The following RERE variants were observed in gnomAD, a reference collection of about 807,000 sequenced individuals.
The protein encoded by RERE is arginine-glutamic acid dipeptide repeats protein.
Under a neutral mutation model 146.1 loss-of-function variants are expected in RERE, and 40 were observed. That is an observed-to-expected ratio of 0.27 (90% CI 0.21 to 0.36). The LOEUF (loss-of-function observed/expected upper bound fraction) is 0.36. Ranked by LOEUF, RERE falls within the 10% of genes least tolerant of loss-of-function variation. RERE has a pLI of 1.00. For missense variants in RERE, 1,933 were observed against 2,138.7 expected (o/e 0.90, Z 1.90); for synonymous variants, 1,003 against 866.0 (o/e 1.16, Z -2.78).
intron 6 of RERE, among the ~76,000 whole-genome samples, chr1:8,547,352 G>C (rs1304834241): frequency 2.0e-5 from 3 of 152,004 alleles, no homozygotes; most frequent in Non-Finnish European, 4.4e-5. Context: ...TTTAAATATG[G>C]TGTAGGGAAA....
At chr1:8,601,017 C>CTT (rs34455445) in intron 4 of RERE, among the ~76,000 whole-genome samples, 3,015 of 94,982 alleles carry the variant, frequency 0.032, 311 homozygotes, top group African/African-American at 0.12. Flanking sequence ...GTCTCCCAAA[C>CTT]TTTTTTTTTT....
chr1:8,448,890 GA>G (rs1047348479), intron 11 of RERE, among the ~76,000 whole-genome samples: 24 of 151,606 alleles, frequency 1.6e-4, no homozygotes, highest in African/African-American at 5.8e-4. Context: ...AGAAGAACCA[GA>G]ATTTCTTGTT....
intron 1 of RERE, among the ~76,000 whole-genome samples, chr1:8,790,965 T>G (rs754150621): frequency 1.4e-4 from 21 of 152,228 alleles, no homozygotes; most frequent in East Asian, 1.9e-4. Flanking sequence ...TCCCTTTCAT[T>G]TGGCAAGAAC....
chr1:8,480,230 C>T (rs1247271036), intron 10 of RERE, among the ~76,000 whole-genome samples: 1 of 150,592 alleles, frequency 6.6e-6, no homozygotes, highest in Admixed American at 6.6e-5. Context: ...ACCTCCGCCT[C>T]CCGGGTTCAA....
At chr1:8,564,365 G>A (rs1211609629) in intron 4 of RERE, among the ~76,000 whole-genome samples, 1 of 152,076 alleles carries the variant, frequency 6.6e-6, no homozygotes, top group East Asian at 1.9e-4. Flanking sequence ...ATTTATTTAT[G>A]TTTCATATAA....
intron 4 of RERE, among the ~76,000 whole-genome samples, chr1:8,605,827 T>TAAGTGTTA (rs1045673006): frequency 7.2e-5 from 10 of 139,068 alleles, no homozygotes; most frequent in Non-Finnish European, 1.5e-4. Context: ...AAAACAAATT[T>TAAGTGTTA]AAGTGTTAAA....
chr1:8,641,053 T>G (rs1647169813), intron 2 of RERE, among the ~76,000 whole-genome samples: 1 of 152,238 alleles, frequency 6.6e-6, no homozygotes, highest in African/African-American at 2.4e-5. Flanking sequence ...GACAGTATTT[T>G]TAATTTTGGA....
chr1:8,670,852 G>A (rs947845773), intron 1 of RERE, among the ~76,000 whole-genome samples: 1 of 152,110 alleles, frequency 6.6e-6, no homozygotes, highest in East Asian at 1.9e-4. Context: ...ACAATCCGAG[G>A]TACATTTTAA....
At chr1:8,561,204 T>G (rs1015576512) in intron 4 of RERE, among the ~76,000 whole-genome samples, 7 of 152,220 alleles carry the variant, frequency 4.6e-5, no homozygotes, top group Non-Finnish European at 1.0e-4. Context: ...GAAGGAACTA[T>G]TGGATTCCCC....
At chr1:8,577,485 C>G (rs1053478714) in intron 4 of RERE, among the ~76,000 whole-genome samples, 1 of 152,152 alleles carries the variant, frequency 6.6e-6, no homozygotes, top group Non-Finnish European at 1.5e-5. Context: ...GTCATGCCAA[C>G]AGTCTGGTGA....
Position 8,756,095 on chromosome 1 carries a change from G to A in RERE, c.-145+61065C>T, listed in dbSNP as rs530731777. ...GGATTGTTTGAGCCTAGAAGTTCAA[G>A]ACCAGCTTGGGCAACATAGCGAGAC... is the stretch of plus-strand genomic sequence containing the variant. On this transcript the variant is annotated intron_variant, in intron 1 of 22. Transcript: ENST00000400908. Among the ~76,000 whole-genome samples the A allele has an allele frequency of 2.7e-3, 404 of 152,142 alleles. 3 individuals are homozygous for A. The highest frequency in any genetic ancestry group is 9.2e-3 in the African/African-American group (384 of 41,528).
chr1:8,614,290 T>C (rs998342586), intron 4 of RERE, among the ~76,000 whole-genome samples: 4 of 152,128 alleles, frequency 2.6e-5, no homozygotes, highest in Admixed American at 2.0e-4. Context: ...CGCTGCTGAT[T>C]GCCAGCTCCT....
At chr1:8,718,016 C>T (rs114086880) in intron 1 of RERE, among the ~76,000 whole-genome samples, 2,856 of 152,290 alleles carry the variant, frequency 0.019, 36 homozygotes, top group Middle Eastern at 0.044. Flanking sequence ...GTCTGTATTT[C>T]CAGTTTCAAT....
At chr1:8,610,155 T>G (rs937815491) in intron 4 of RERE, among the ~76,000 whole-genome samples, 1 of 152,222 alleles carries the variant, frequency 6.6e-6, no homozygotes, top group Non-Finnish European at 1.5e-5. Flanking sequence ...CTAAGCAATC[T>G]ACTGATTAGC....
At chr1:8,382,150 A>G (rs1642481547) in intron 12 of RERE, among the ~76,000 whole-genome samples, 1 of 152,262 alleles carries the variant, frequency 6.6e-6, no homozygotes, top group African/African-American at 2.4e-5. Flanking sequence ...GACTTCCTGC[A>G]GGCAGATAGC....
intron 1 of RERE, among the ~76,000 whole-genome samples, chr1:8,794,357 C>CAAAAA (rs34549021): frequency 2.7e-4 from 11 of 40,528 alleles, no homozygotes; most frequent in Non-Finnish European, 3.3e-4. Context: ...GACTCCGTCT[C>CAAAAA]AAAAAAAAAA....
intron 12 of RERE, among the ~76,000 whole-genome samples, chr1:8,373,765 A>G (rs1219636471): frequency 6.6e-6 from 1 of 152,194 alleles, no homozygotes; most frequent in African/African-American, 2.4e-5. Context: ...CAACGATTCA[A>G]GGGCTGGATC....
chr1:8,723,470 T>C (rs552480596), intron 1 of RERE, among the ~76,000 whole-genome samples: 36 of 152,332 alleles, frequency 2.4e-4, no homozygotes, highest in Admixed American at 1.8e-3. Flanking sequence ...TGTTTTTTTT[T>C]CTAAAATCAC....
At chr1:8,369,626 A>G (rs1443551426) in intron 12 of RERE, among the ~76,000 whole-genome samples, 1 of 151,778 alleles carries the variant, frequency 6.6e-6, no homozygotes, top group Non-Finnish European at 1.5e-5. Context: ...CAATTCAGGA[A>G]GGTGACAGGG....
Sources: gnomAD v4.1 joint callset for allele counts (sites outside exome capture counted in the v4.1 genomes callset) on GRCh38, gnomAD v4.1.1 for gene constraint, MANE v1.5 for transcripts, NCBI Gene and HGNC (gene_info 2026-07-23, HGNC 2026-07-21) for gene names.